The following CNKSR2 variants were observed in gnomAD, a reference collection of about 807,000 sequenced individuals.
CNKSR2 encodes the protein connector enhancer of kinase suppressor of Ras 2.
In CNKSR2, 14 loss-of-function variants were observed where a neutral mutation model predicts 84.4. That is an observed-to-expected ratio of 0.17 (90% CI 0.11 to 0.26). The LOEUF (loss-of-function observed/expected upper bound fraction) is 0.26. Among genes scored for constraint, CNKSR2 ranks in the 10% least tolerant of loss-of-function variants. The probability of loss-of-function intolerance (pLI) is 1.00; values close to 1 mark genes in which losing one functional copy is unlikely to be tolerated. For missense variants in CNKSR2, 485 were observed against 771.2 expected (o/e 0.63, Z 4.40); for synonymous variants, 275 against 277.9 (o/e 0.99, Z 0.10).
intron 4 of CNKSR2, among the ~76,000 whole-genome samples, chrX:21,449,835 A>G (rs953657838): frequency 8.9e-6 from 1 of 111,878 alleles, no homozygotes; most frequent in Non-Finnish European, 1.9e-5. Flanking sequence ...ATCTACTCAC[A>G]ATTCACTGGT....
At chrX:21,562,041 C>A (rs761941234) in intron 12 of CNKSR2, among the ~76,000 whole-genome samples, 27 of 107,376 alleles carry the variant, frequency 2.5e-4, no homozygotes, top group Admixed American at 1.2e-3. Context: ...AAAAAAAAAA[C>A]CGTGCTTTTT....
At chrX:21,473,963 A>G (rs1313433292) in intron 5 of CNKSR2, among the ~76,000 whole-genome samples, 9 of 107,948 alleles carry the variant, frequency 8.3e-5, no homozygotes, top group Non-Finnish European at 1.9e-5. Flanking sequence ...GTTAGCCAGG[A>G]TGGTCTCAAT....
chrX:21,601,735 TTTTC>T (rs1197350263), intron 18 of CNKSR2, among the ~76,000 whole-genome samples: 1 of 112,486 alleles, frequency 8.9e-6, no homozygotes, highest in Non-Finnish European at 1.9e-5. Context: ...TGAGATGATC[TTTTC>T]TTTCTTAAAT....
intron 4 of CNKSR2, among the ~76,000 whole-genome samples, chrX:21,460,999 G>C (rs915404164): frequency 8.9e-6 from 1 of 112,738 alleles, no homozygotes; most frequent in East Asian, 2.8e-4. Flanking sequence ...AAACATGAAA[G>C]TGCAGATATC....
chrX:21,432,716 T>C lies in CNKSR2; in HGVS notation c.333T>C (p.His111=), dbSNP rs746125040. ...TAACAGGAAGGAGAAGGAGTGGCCA[T>C]TATGATGGGAGGACCAGCCGAAAAT... ...NFITGRRRSG[H]YDGRTSRKLP... Residue 111 remains histidine, a synonymous_variant, in exon 3 of 22, where the codon CAT becomes CAC. Coordinates refer to ENST00000379510, the MANE Select transcript of CNKSR2 (RefSeq NM_014927.5). 10 of 1,209,710 alleles carry C rather than the reference T, an allele frequency of 8.3e-6. No individual in the cohort carries two copies. The highest frequency in any genetic ancestry group is 1.1e-5 in the Non-Finnish European group (10 of 894,280).
chrX:21,521,812 G>A lies in CNKSR2; in HGVS notation c.958-5055G>A, dbSNP rs1470982705. Among the ~76,000 whole-genome samples, 5 of 110,568 alleles carry A rather than the reference G, an allele frequency of 4.5e-5. No homozygotes were observed. In the South Asian group the frequency reaches 1.5e-3, roughly 33 times the overall value. ...ACTTGTTTTCTCTGTATTCTGACAG[G>A]AAAGGAAAAATTATATGCTTATAAA... On this transcript the variant is annotated intron_variant, in intron 9 of 21. Coordinates refer to ENST00000379510, the MANE Select transcript of CNKSR2 (RefSeq NM_014927.5).
chrX:21,553,032 A>G (rs1344063132), intron 11 of CNKSR2, among the ~76,000 whole-genome samples: 4 of 111,971 alleles, frequency 3.6e-5, no homozygotes, highest in Non-Finnish European at 5.7e-5. Flanking sequence ...ATTTGCCATC[A>G]TTGTTAAGGT....
intron 20 of CNKSR2, among the ~76,000 whole-genome samples, chrX:21,631,234 A>G (rs2147320144): frequency 9.0e-6 from 1 of 110,659 alleles, no homozygotes; most frequent in South Asian, 3.9e-4. Context: ...TAGGAGGATC[A>G]CTTGAGGATG....
chrX:21,573,817 C>A (rs1460834223), intron 13 of CNKSR2, among the ~76,000 whole-genome samples: 1 of 111,819 alleles, frequency 8.9e-6, no homozygotes, highest in Non-Finnish European at 1.9e-5. Flanking sequence ...GAGACATTTT[C>A]CCCATTGTTT....
chrX:21,623,464 T>A, intron 20 of CNKSR2, among the ~76,000 whole-genome samples: 1 of 111,883 alleles, frequency 8.9e-6, no homozygotes, highest in Non-Finnish European at 1.9e-5. Flanking sequence ...GGTAATCTCT[T>A]CCATTATATT....
rs6633416 is a variant in CNKSR2 at position 21,485,303 on chromosome X, T to C, written c.562-5156T>C. On this transcript the variant is annotated intron_variant, in intron 5 of 21. Coordinates refer to ENST00000379510, the MANE Select transcript of CNKSR2 (RefSeq NM_014927.5). ...ACATAATGAAAGAATGCTATCTTAT[T>C]ATTGGTTAATGTCTTAATGTGGGAT... Among the ~76,000 whole-genome samples the C allele has an allele frequency of 1.7e-3, 190 of 112,140 alleles. 3 individuals are homozygous for C. In the East Asian group the frequency reaches 0.052, roughly 30 times the overall value.
chrX:21,380,463 T>C (rs1044472961), intron 1 of CNKSR2, among the ~76,000 whole-genome samples: 17 of 99,099 alleles, frequency 1.7e-4, no homozygotes, highest in African/African-American at 6.7e-4. Context: ...TTTTTTTTTT[T>C]TGAGATAGAG....
At chrX:21,459,823 A>G (rs2091039539) in intron 4 of CNKSR2, among the ~76,000 whole-genome samples, 1 of 111,190 alleles carries the variant, frequency 9.0e-6, no homozygotes, top group Admixed American at 9.6e-5. Flanking sequence ...TCTTACTTGT[A>G]CATCTAAACT....
intron 20 of CNKSR2, among the ~76,000 whole-genome samples, chrX:21,612,809 G>A (rs184876310): frequency 4.5e-5 from 5 of 112,042 alleles, no homozygotes; most frequent in Non-Finnish European, 9.4e-5. Context: ...TGCTTATAAA[G>A]TATATATTTA....
At chrX:21,556,814 A>C (rs1218634181) in intron 11 of CNKSR2, among the ~76,000 whole-genome samples, 2 of 110,902 alleles carry the variant, frequency 1.8e-5, no homozygotes, top group Non-Finnish European at 3.8e-5. Context: ...AACAAAAAAT[A>C]AGGTGGTAGC....
Position 21,463,618 on chromosome X carries a change from G to A in CNKSR2, c.520-7148G>A, listed in dbSNP as rs768356752. 9.9e-5 allele frequency among the ~76,000 whole-genome samples: 11 copies of A among 111,323 alleles called. No individual in the cohort carries two copies. The South Asian group carries it at 3.4e-3, about 35-fold the overall frequency. On this transcript the variant is annotated intron_variant, in intron 4 of 21. Transcript: ENST00000379510. ...CAATTTATTGCCATGGATGGATATC[G>A]CTGCTGCTAGTTATTCAGGGCCCAA... is the stretch of plus-strand genomic sequence containing the variant.
chrX:21,432,566 A>T (rs2090647986), intron 2 of CNKSR2, 46 bp from the exon 3 acceptor site: 5 of 907,644 alleles, frequency 5.5e-6, no homozygotes, highest in Non-Finnish European at 7.9e-6. Context: ...TTCATGAATG[A>T]ATAAAACTGA....
chrX:21,544,586 T>C (rs2092005251), intron 11 of CNKSR2, among the ~76,000 whole-genome samples: 1 of 112,044 alleles, frequency 8.9e-6, no homozygotes, highest in Admixed American at 9.4e-5. Flanking sequence ...AAAAGAACTT[T>C]CGGTGGCTGG....
chrX:21,430,731 A>G (rs1416229276), intron 2 of CNKSR2, among the ~76,000 whole-genome samples: 1 of 112,145 alleles, frequency 8.9e-6, no homozygotes, highest in Non-Finnish European at 1.9e-5. Context: ...GTTAGTTTGT[A>G]TAGTTATAAA....
Sources: gnomAD v4.1 joint callset for allele counts (sites outside exome capture counted in the v4.1 genomes callset) on GRCh38, gnomAD v4.1.1 for gene constraint, MANE v1.5 for transcripts, NCBI Gene and HGNC (gene_info 2026-07-23, HGNC 2026-07-21) for gene names.